The following LDLRAD4 variants were observed in gnomAD, a reference collection of about 807,000 sequenced individuals.
The protein encoded by LDLRAD4 is low density lipoprotein receptor class A domain containing 4, also known as low-density lipoprotein receptor class A domain-containing protein 4.
Under a neutral mutation model 17.0 loss-of-function variants are expected in LDLRAD4, and 5 were observed. That is an observed-to-expected ratio of 0.29 (90% CI 0.15 to 0.62). LDLRAD4 has a LOEUF of 0.62. Ranked by LOEUF, LDLRAD4 falls within the 20% of genes least tolerant of loss-of-function variation. The probability of loss-of-function intolerance (pLI) is 0.84; values close to 1 mark genes in which losing one functional copy is unlikely to be tolerated. For missense variants in LDLRAD4, 340 were observed against 424.7 expected (o/e 0.80, Z 1.75); for synonymous variants, 168 against 171.8 (o/e 0.98, Z 0.17).
At chr18:13,381,948 G>A (rs139507359) in intron 1 of LDLRAD4, among the ~76,000 whole-genome samples, 235 of 152,294 alleles carry the variant, frequency 1.5e-3, no homozygotes, top group African/African-American at 5.5e-3. Flanking sequence ...GGTTGGCAGC[G>A]TTCCTTTCTC....
chr18:13,564,551 A>G (rs2094574545), intron 3 of LDLRAD4, among the ~76,000 whole-genome samples: 1 of 150,156 alleles, frequency 6.7e-6, no homozygotes, highest in Non-Finnish European at 1.5e-5. Flanking sequence ...TTGAGAATGG[A>G]AAAAGTTCAT....
rs532837597 is a variant in LDLRAD4, at chr18:13,545,377, T to C, written c.182-75740T>C. On this transcript the variant is annotated intron_variant, in intron 3 of 5. Coordinates refer to ENST00000359446, the Ensembl canonical transcript of LDLRAD4. ...CCAAGTTATATATCAACGAATCCTT[T>C]TGGCAACACCAAAATGTATGGTGAG... Among the ~76,000 whole-genome samples, 80 of 152,340 alleles carry C rather than the reference T, an allele frequency of 5.3e-4. 1 individual carries two copies. The highest frequency in any genetic ancestry group is 1.8e-3 in the African/African-American group (75 of 41,570).
chr18:13,509,883 A>AT (rs1432594726), intron 3 of LDLRAD4, among the ~76,000 whole-genome samples: 1 of 152,210 alleles, frequency 6.6e-6, no homozygotes, highest in African/African-American at 2.4e-5. Context: ...CAGCAAAAAG[A>AT]TTACAACACA....
intron 1 of LDLRAD4, among the ~76,000 whole-genome samples, chr18:13,222,658 C>A (rs7244704): frequency 6.6e-6 from 1 of 152,184 alleles, no homozygotes; most frequent in Non-Finnish European, 1.5e-5. Context: ...TGCCTCGGTT[C>A]GGAAATGAAA....
chr18:13,337,847 C>T (rs959917500), intron 1 of LDLRAD4, among the ~76,000 whole-genome samples: 2 of 151,672 alleles, frequency 1.3e-5, no homozygotes, highest in African/African-American at 2.4e-5. Context: ...GGTGACAGCA[C>T]GAGGCCATCT....
intron 2 of LDLRAD4, among the ~76,000 whole-genome samples, chr18:13,405,126 TATA>T (rs2087609327): frequency 6.6e-6 from 1 of 151,704 alleles, no homozygotes; most frequent in Non-Finnish European, 1.5e-5. Flanking sequence ...AAATTATTAT[TATA>T]ATATTATGTA....
intron 1 of LDLRAD4, among the ~76,000 whole-genome samples, chr18:13,305,827 G>T (rs1315365605): frequency 6.6e-6 from 1 of 152,188 alleles, no homozygotes; most frequent in African/African-American, 2.4e-5. Flanking sequence ...AAATACCTTT[G>T]TATCTTGTAT....
chr18:13,586,254 A>G (rs1023136160), intron 3 of LDLRAD4, among the ~76,000 whole-genome samples: 1 of 151,498 alleles, frequency 6.6e-6, no homozygotes, highest in African/African-American at 2.4e-5. Flanking sequence ...CTAAAAATAC[A>G]AAAATTAGCC....
At chr18:13,423,603 G>A (rs936872082) in intron 2 of LDLRAD4, 6 of 152,522 alleles carry the variant, frequency 3.9e-5, no homozygotes, top group Admixed American at 2.0e-4. Flanking sequence ...CGAGGCGCTC[G>A]TGCTCACTCA....
At chr18:13,493,251 T>G (rs1356780160) in intron 3 of LDLRAD4, among the ~76,000 whole-genome samples, 1 of 152,204 alleles carries the variant, frequency 6.6e-6, no homozygotes, top group Non-Finnish European at 1.5e-5. Flanking sequence ...TGGGAAAGTG[T>G]ATGTCCTCAC....
intron 3 of LDLRAD4, among the ~76,000 whole-genome samples, chr18:13,548,020 T>G (rs578007763): frequency 6.6e-6 from 1 of 152,142 alleles, no homozygotes; most frequent in African/African-American, 2.4e-5. Context: ...CTTTATTGAG[T>G]GACAGTATAG....
At chr18:13,538,801 C>T (rs2094235974) in intron 3 of LDLRAD4, among the ~76,000 whole-genome samples, 1 of 152,206 alleles carries the variant, frequency 6.6e-6, no homozygotes, top group Non-Finnish European at 1.5e-5. Flanking sequence ...GCTGGGATGA[C>T]AGGCATGAGC....
chr18:13,575,707 C>CT (rs1269522254), intron 3 of LDLRAD4, among the ~76,000 whole-genome samples: 1 of 152,166 alleles, frequency 6.6e-6, no homozygotes, highest in South Asian at 2.1e-4. Context: ...AAACGTGTTC[C>CT]TTTTTCACCG....
At chr18:13,500,678 A>T (rs376519276) in intron 3 of LDLRAD4, 1 of 152,198 alleles carries the variant, frequency 6.6e-6, no homozygotes, top group Admixed American at 6.5e-5. Context: ...CTCGTTGAGT[A>T]ACAATGGAGA....
intron 3 of LDLRAD4, among the ~76,000 whole-genome samples, chr18:13,457,461 C>T (rs1466050871): frequency 6.6e-6 from 1 of 152,160 alleles, no homozygotes; most frequent in Non-Finnish European, 1.5e-5. Context: ...AGCTTTCTTC[C>T]CCGCTGGTGG....
chr18:13,385,227 A>T (rs2085707932), intron 1 of LDLRAD4, among the ~76,000 whole-genome samples: 1 of 152,200 alleles, frequency 6.6e-6, no homozygotes, highest in Non-Finnish European at 1.5e-5. Flanking sequence ...CATATCCCAG[A>T]TGCTTAGAGA....
intron 1 of LDLRAD4, among the ~76,000 whole-genome samples, chr18:13,255,268 G>A (rs1312064445): frequency 6.6e-6 from 1 of 152,166 alleles, no homozygotes. Context: ...TCCTGGCCTA[G>A]GGTCTGTGCT....
At chr18:13,227,923 C>T (rs1056990695) in intron 1 of LDLRAD4, among the ~76,000 whole-genome samples, 2 of 152,220 alleles carry the variant, frequency 1.3e-5, no homozygotes, top group South Asian at 2.1e-4. Flanking sequence ...AGAGCCTGAA[C>T]GTATCAGCAC....
At chr18:13,254,711 C>T (rs1241110349) in intron 1 of LDLRAD4, among the ~76,000 whole-genome samples, 1 of 152,212 alleles carries the variant, frequency 6.6e-6, no homozygotes, top group Non-Finnish European at 1.5e-5. Context: ...ACCTGTCATC[C>T]CAGAGCTTTG....
Sources: gnomAD v4.1 joint callset for allele counts (sites outside exome capture counted in the v4.1 genomes callset) on GRCh38, gnomAD v4.1.1 for gene constraint, MANE v1.5 for transcripts, NCBI Gene and HGNC (gene_info 2026-07-23, HGNC 2026-07-21) for gene names.